Variants in KIF11 observed in about 807,000 individuals in gnomAD.
KIF11 encodes the protein kinesin-like protein KIF11.
A neutral mutation model predicts 121.0 loss-of-function variants in KIF11; 9 were observed. The ratio of observed to expected loss-of-function variants is 0.07; its 90% CI spans 0.04 to 0.13. The LOEUF (loss-of-function observed/expected upper bound fraction) is 0.13. Among genes scored for constraint, KIF11 ranks in the 10% least tolerant of loss-of-function variants. The pLI, the probability that KIF11 is intolerant of heterozygous loss-of-function variation, is 1.00. For missense variants in KIF11, 846 were observed against 1,217.5 expected, an observed-to-expected ratio of 0.69 and a Z score of 4.54; for synonymous variants, 408 against 421.0, an observed-to-expected ratio of 0.97 and a Z score of 0.38.
intron 16 of KIF11, among the ~76,000 whole-genome samples, chr10:92,639,315 T>C (rs1011398955): frequency 6.6e-6 from 1 of 152,218 alleles, no homozygotes; most frequent in African/African-American, 2.4e-5. Context: ...TGGCTGGATG[T>C]GATGGCTCAT....
At chr10:92,614,021 T>TATACACACACACACACACACACAC (rs1284311727) in intron 8 of KIF11, among the ~76,000 whole-genome samples, 3 of 127,052 alleles carry the variant, frequency 2.4e-5, no homozygotes, top group African/African-American at 9.7e-5. Context: ...AGTATGTGTA[T>TATACACACACACACACACACACAC]ACACACACAC....
chr10:92,629,025 G>T, intron 11 of KIF11, 130 bp downstream of exon 11: 1 of 550,558 alleles, frequency 1.8e-6, no homozygotes, highest in East Asian at 3.3e-5. Context: ...CTGTCACCCA[G>T]GCTGGAGTGC....
At chr10:92,628,541 C>T (rs1844702285) in intron 10 of KIF11, among the ~76,000 whole-genome samples, 1 of 152,160 alleles carries the variant, frequency 6.6e-6, no homozygotes, top group African/African-American at 2.4e-5. Flanking sequence ...ACATGCTTTT[C>T]CCCTCATAGG....
Position 92,609,004 on chromosome 10 carries a change from CTTA to C in KIF11, c.388-11_388-9del, listed in dbSNP as rs975275614. The C allele has an allele frequency of 2.1e-6, 3 of 1,447,222 alleles. No individual in the cohort carries two copies. In the African/African-American group the frequency reaches 4.3e-5, roughly 21 times the overall value. 89.6% of individuals were successfully genotyped at this position (1,447,222 alleles called of 1,614,324 possible). On this transcript the variant is annotated splice_polypyrimidine_tract_variant and intron_variant, in intron 4 of 21. Coordinates refer to ENST00000260731, the MANE Select transcript of KIF11 (RefSeq NM_004523.4). ...ATGGCATTCTTCCTTTATATTAGTC[CTTA>C]TTATAATTTCAGGATCCCTTGGCTG...
chr10:92,607,476 C>T (rs1347069016), intron 4 of KIF11, among the ~76,000 whole-genome samples: 2 of 152,068 alleles, frequency 1.3e-5, no homozygotes, highest in African/African-American at 4.8e-5. Context: ...AAAGAGGAGT[C>T]TATTTATGAC....
chr10:92,623,491 C>A (rs989787112), intron 10 of KIF11, among the ~76,000 whole-genome samples: 1 of 152,088 alleles, frequency 6.6e-6, no homozygotes, highest in Admixed American at 6.5e-5. Context: ...GATATTAGAC[C>A]TAATAATAAC....
At chr10:92,635,060 T>C (rs542828259) in intron 14 of KIF11, among the ~76,000 whole-genome samples, 2 of 152,346 alleles carry the variant, frequency 1.3e-5, no homozygotes, top group South Asian at 4.1e-4. Context: ...CTTTATTTTA[T>C]AATTGTATGG....
chr10:92,626,746 ATTTAT>A (rs913999271), intron 10 of KIF11, among the ~76,000 whole-genome samples: 19 of 152,042 alleles, frequency 1.2e-4, no homozygotes, highest in African/African-American at 1.9e-4. Flanking sequence ...ATCTATTTCT[ATTTAT>A]TTTATTTTAT....
At chr10:92,604,819 G>A (rs1240125021) in intron 1 of KIF11, among the ~76,000 whole-genome samples, 1 of 152,128 alleles carries the variant, frequency 6.6e-6, no homozygotes, top group African/African-American at 2.4e-5. Context: ...GTATATAATT[G>A]TCTTATTGAT....
At chr10:92,617,874 G>C (rs997431909) in intron 9 of KIF11, among the ~76,000 whole-genome samples, 1 of 151,942 alleles carries the variant, frequency 6.6e-6, no homozygotes, top group Non-Finnish European at 1.5e-5. Flanking sequence ...CGAGTAGCTG[G>C]GACTACAGGT....
chr10:92,649,949 T>C lies in KIF11; in HGVS notation c.2885T>C (p.Leu962Pro), dbSNP rs1277123795. ...KRKQPELLMMLNCSENNKEET... is the reference protein window; with the variant it reads ...KRKQPELLMMPNCSENNKEET... Reference sequence around the variant, plus strand: ...AAACAGCCTGAGCTGTTAATGATGCTAAACTGTTCAGAAAACAACAAAGAA... The same window carrying C: ...AAACAGCCTGAGCTGTTAATGATGCCAAACTGTTCAGAAAACAACAAAGAA... Residue 962 changes from leucine (L) to proline (P), a missense_variant, in exon 20 of 22, where the codon CTA becomes CCA. Coordinates refer to ENST00000260731, the MANE Select transcript of KIF11 (RefSeq NM_004523.4). 1 of 1,613,114 alleles carries C rather than the reference T, an allele frequency of 6.2e-7. No individual in the cohort carries two copies. The highest frequency in any genetic ancestry group is 8.5e-7 in the Non-Finnish European group (1 of 1,179,336).
intron 21 of KIF11, 115 bp downstream of exon 21, chr10:92,650,632 G>T: frequency 1.5e-6 from 1 of 657,190 alleles, no homozygotes. Flanking sequence ...TTATTCCTTA[G>T]GATGGCTTGT....
chr10:92,610,362 A>G (rs1404667377), intron 6 of KIF11, among the ~76,000 whole-genome samples: 1 of 152,210 alleles, frequency 6.6e-6, no homozygotes, highest in African/African-American at 2.4e-5. Context: ...TTTTACCGAA[A>G]TATAAAATTC....
At chr10:92,606,577 A>G in intron 2 of KIF11, 42 bp from the exon 3 acceptor site, 1 of 1,289,660 alleles carries the variant, frequency 7.8e-7, no homozygotes, top group Non-Finnish European at 1.1e-6. Context: ...TAAAATGAGT[A>G]ATTTTGAGGT....
Position 92,637,470 on chromosome 10 carries a change from T to C in KIF11, c.2085T>C (p.Cys695=). 1 of 1,608,240 alleles carries C rather than the reference T, an allele frequency of 6.2e-7. No homozygotes were observed. Among genetic ancestry groups the C allele is most frequent in the Non-Finnish European group, 8.5e-7 (1 of 1,178,786 alleles). The change falls in exon 16 of 22, where the codon TGT becomes TGC. Residue 695 remains cysteine (C), a synonymous_variant. Transcript: ENST00000260731. The part of the protein sequence containing the change: ...NLHELQENTI[C]SLVESQKQCG... ...ATGAACTACAAGAAAATACCATTTG[T>C]TCCTTGGTTGAGTCACAAAAGCAAT...
Position 92,613,645 on chromosome 10 carries a change from A to G in KIF11, c.1032+26A>G, listed in dbSNP as rs531624854. The stretch of plus-strand genomic sequence containing the variant: ...GTAAGCCCTTTGAAAGGAAGCTGCA[A>G]GTGTAGTAGCTGTAATTCTTATTTG... On this transcript the variant is annotated intron_variant, in intron 8 of 21. Transcript: ENST00000260731. This position sits in a 1 kb window ranked among gnomAD's most constrained non-coding sequence, Gnocchi z 4.2. 3.2e-6 allele frequency: 5 copies of G among 1,585,888 alleles called. No individual in the cohort carries two copies. The highest frequency in any genetic ancestry group is 4.3e-6 in the Non-Finnish European group (5 of 1,167,602).
chr10:92,593,598 C>T (rs1844257565), intron 1 of KIF11, 146 bp downstream of exon 1: 6 of 663,192 alleles, frequency 9.0e-6, no homozygotes, highest in Non-Finnish European at 1.6e-5. Context: ...AAAATGACAC[C>T]CGGTTGCTGT....
chr10:92,633,534 A>G (rs1295539906), intron 13 of KIF11, 89 bp from the exon 14 acceptor site: 2 of 880,888 alleles, frequency 2.3e-6, no homozygotes, highest in Non-Finnish European at 3.6e-6. Context: ...CAACAAGGGT[A>G]TACTTTTGTC....
chr10:92,601,181 G>A (rs1395318053), intron 1 of KIF11, among the ~76,000 whole-genome samples: 1 of 143,428 alleles, frequency 7.0e-6, no homozygotes, highest in Non-Finnish European at 1.5e-5. Flanking sequence ...TTTTCAATTT[G>A]GATGCCTTTT....
Sources: gnomAD v4.1 joint callset for allele counts (sites outside exome capture counted in the v4.1 genomes callset) on GRCh38, gnomAD v4.1.1 for gene constraint, Gnocchi (gnomAD v3.1) non-coding constraint, MANE v1.5 for transcripts, NCBI Gene and HGNC (gene_info 2026-07-23, HGNC 2026-07-21) for gene names.